SLC35F3: variants seen among roughly 807,000 people sequenced by gnomAD.
SLC35F3 encodes solute carrier family 35 member F3.
A neutral mutation model predicts 49.9 loss-of-function variants in SLC35F3; 25 were observed. That is an observed-to-expected ratio of 0.50 (90% CI 0.37 to 0.70). The LOEUF is 0.70. Ranked by LOEUF, SLC35F3 falls within the 30% of genes least tolerant of loss-of-function variation. The pLI is 0.00. For missense variants in SLC35F3, 525 were observed against 639.8 expected (o/e 0.82, Z 1.94); for synonymous variants, 275 against 265.4 (o/e 1.04, Z -0.35).
intron 2 of SLC35F3, among the ~76,000 whole-genome samples, chr1:234,191,340 G>A (rs766615419): frequency 1.1e-4 from 16 of 152,140 alleles, no homozygotes; most frequent in Non-Finnish European, 2.2e-4. Flanking sequence ...ACCTGCTCCT[G>A]AATGATCACT....
At chr1:234,287,393 G>T (rs555840737) in intron 3 of SLC35F3, among the ~76,000 whole-genome samples, 4 of 152,198 alleles carry the variant, frequency 2.6e-5, no homozygotes, top group African/African-American at 9.6e-5. Context: ...GAAAGAGTAA[G>T]GATTTGGTTC....
intron 2 of SLC35F3, among the ~76,000 whole-genome samples, chr1:234,102,620 G>A (rs1050940871): frequency 1.3e-5 from 2 of 152,208 alleles, no homozygotes; most frequent in Non-Finnish European, 2.9e-5. Context: ...GAATCAAACT[G>A]GGATGAAAAG....
At chr1:234,028,637 T>C (rs58070461) in intron 2 of SLC35F3, among the ~76,000 whole-genome samples, 27,770 of 152,204 alleles carry the variant, frequency 0.18, 4,563 homozygotes, top group African/African-American at 0.42. Context: ...AATGTTTATG[T>C]GTTGACGGGA....
chr1:233,959,190 G>T (rs1016675224), intron 2 of SLC35F3, among the ~76,000 whole-genome samples: 1 of 151,564 alleles, frequency 6.6e-6, no homozygotes, highest in Non-Finnish European at 1.5e-5. Context: ...TTATTCTCAC[G>T]TATAAAGTAG....
chr1:234,197,681 C>T (rs1324192539), intron 2 of SLC35F3, among the ~76,000 whole-genome samples: 1 of 152,244 alleles, frequency 6.6e-6, no homozygotes, highest in Non-Finnish European at 1.5e-5. Flanking sequence ...CTCAGCAGAG[C>T]TCAGCCCTCA....
At chr1:234,280,347 T>C (rs1372778648) in intron 3 of SLC35F3, among the ~76,000 whole-genome samples, 3 of 152,248 alleles carry the variant, frequency 2.0e-5, no homozygotes, top group African/African-American at 7.2e-5. Flanking sequence ...ACATTGGTGA[T>C]ACAGAGAAGG....
chr1:234,306,743 C>T (rs1387831978), intron 3 of SLC35F3, among the ~76,000 whole-genome samples: 1 of 152,162 alleles, frequency 6.6e-6, no homozygotes, highest in Non-Finnish European at 1.5e-5. Context: ...CAATACCAAG[C>T]CATATCTGTG....
chr1:234,190,973 C>A (rs7519317), intron 2 of SLC35F3, among the ~76,000 whole-genome samples: 9 of 152,278 alleles, frequency 5.9e-5, no homozygotes, highest in African/African-American at 2.2e-4. Flanking sequence ...AAAAGGGCTC[C>A]CTGCTTCTAG....
rs113934872 is a variant in SLC35F3, at chr1:234,155,527, A to G, written c.284-75890A>G. On this transcript the variant is annotated intron_variant, in intron 2 of 7. Coordinates refer to ENST00000366618, the MANE Select transcript of SLC35F3 (RefSeq NM_173508.4). ...CGGGTTGAAGCGATTCTCCTGCCTCAGTTTCCCAAGTAGCTGGGACTACAG... is the reference window on the plus strand; with the variant it reads ...CGGGTTGAAGCGATTCTCCTGCCTCGGTTTCCCAAGTAGCTGGGACTACAG... Among the ~76,000 whole-genome samples, 1,130 of 152,178 alleles carry G rather than the reference A, an allele frequency of 7.4e-3. 19 individuals carry two copies. Among genetic ancestry groups the G allele is most frequent in the African/African-American group, 0.025 (1,019 of 41,492 alleles).
chr1:233,904,749 A>G lies in SLC35F3; in HGVS notation c.-329A>G, dbSNP rs918030230. ...GGAGGGCTCTCCCGGTCGCGGCGAG[A>G]CTCACGCCTGCGGTGTGCTAGGGCG... is the stretch of plus-strand genomic sequence containing the variant. On this transcript the variant is annotated 5_prime_UTR_variant, in exon 1 of 8. Transcript: ENST00000366618. Among the ~76,000 whole-genome samples, 22 of 151,662 alleles carry G rather than the reference A, an allele frequency of 1.5e-4. No individual in the cohort carries two copies. Among genetic ancestry groups the G allele is most frequent in the African/African-American group, 5.1e-4 (21 of 41,470 alleles).
chr1:233,964,089 T>C (rs377376824), intron 2 of SLC35F3, among the ~76,000 whole-genome samples: 9 of 152,196 alleles, frequency 5.9e-5, no homozygotes, highest in African/African-American at 2.2e-4. Context: ...CATTGGGACC[T>C]CCTAATACTC....
chr1:234,184,925 G>A (rs188703634), intron 2 of SLC35F3, among the ~76,000 whole-genome samples: 14 of 152,292 alleles, frequency 9.2e-5, no homozygotes, highest in Admixed American at 3.9e-4. Flanking sequence ...GAGACTCACT[G>A]AGTCAGACTG....
chr1:234,231,512 T>C lies in SLC35F3; in HGVS notation c.379T>C (p.Cys127Arg), dbSNP rs748342858. 3 of 1,613,780 alleles carry C rather than the reference T, an allele frequency of 1.9e-6. No individual in the cohort carries two copies. The highest frequency in any genetic ancestry group is 2.2e-5 in the South Asian group (2 of 91,066). ...GAGAGCGAGTCGCCGCTGCTGGACG[T>C]GCTCCCGGGCGCAACTCAAGAAGAT... ...GGRASRRCWT[C>R]SRAQLKKIFW... Residue 127 changes from cysteine to arginine, a missense_variant, in exon 3 of 8, where the codon TGC becomes CGC. Physicochemically the swap from Cys to Arg is radical, Grantham distance 180. Transcript: ENST00000366618. This position sits in a 1 kb window ranked among gnomAD's most constrained non-coding sequence, Gnocchi z 5.4.
intron 2 of SLC35F3, among the ~76,000 whole-genome samples, chr1:234,029,294 G>T (rs1664023339): frequency 6.6e-6 from 1 of 152,162 alleles, no homozygotes; most frequent in Non-Finnish European, 1.5e-5. Flanking sequence ...AATTAAATTG[G>T]CAGCTAAAGC....
chr1:234,159,385 T>A (rs1666195523), intron 2 of SLC35F3, among the ~76,000 whole-genome samples: 1 of 152,060 alleles, frequency 6.6e-6, no homozygotes, highest in African/African-American at 2.4e-5. Context: ...GAGACCAGCC[T>A]GGCCAACATG....
At chr1:234,099,097 T>C (rs1405390191) in intron 2 of SLC35F3, among the ~76,000 whole-genome samples, 1 of 152,088 alleles carries the variant, frequency 6.6e-6, no homozygotes, top group African/African-American at 2.4e-5. Flanking sequence ...TTTCCTATAT[T>C]CCACATGTTC....
intron 2 of SLC35F3, among the ~76,000 whole-genome samples, chr1:233,910,400 G>C (rs1414990455): frequency 2.6e-5 from 4 of 152,224 alleles, no homozygotes; most frequent in Non-Finnish European, 5.9e-5. Flanking sequence ...TTTCCAGATA[G>C]AGGCTCTGCT....
chr1:234,162,167 T>C (rs944840433), intron 2 of SLC35F3, among the ~76,000 whole-genome samples: 1 of 151,968 alleles, frequency 6.6e-6, no homozygotes, highest in African/African-American at 2.4e-5. Flanking sequence ...GCCTGTGGTG[T>C]AGATTCATGG....
intron 3 of SLC35F3, among the ~76,000 whole-genome samples, chr1:234,286,071 G>A (rs575536361): frequency 6.6e-6 from 1 of 152,176 alleles, no homozygotes; most frequent in Non-Finnish European, 1.5e-5. Flanking sequence ...AAATCAGAGA[G>A]CATAGTGATA....
Sources: allele counts gnomAD v4.1 joint callset (sites outside exome capture counted in the v4.1 genomes callset), GRCh38; gene constraint gnomAD v4.1.1; non-coding constraint Gnocchi (gnomAD v3.1); transcripts MANE v1.5; gene names NCBI Gene and HGNC (gene_info 2026-07-23, HGNC 2026-07-21).